The following GSE1 variants were observed in gnomAD, a reference collection of about 807,000 sequenced individuals.
The protein encoded by GSE1 is genetic suppressor element 1.
A neutral mutation model predicts 112.6 loss-of-function variants in GSE1; 32 were observed. That is an observed-to-expected ratio of 0.28 (90% CI 0.21 to 0.38). The LOEUF is 0.38. Among genes scored for constraint, GSE1 ranks in the 10% least tolerant of loss-of-function variants. GSE1 has a pLI of 1.00. For missense variants in GSE1, 2,348 were observed against 1,699.2 expected (o/e 1.38, Z -6.71); for synonymous variants, 1,115 against 735.6 (o/e 1.52, Z -8.35).
intron 1 of GSE1, among the ~76,000 whole-genome samples, chr16:85,211,313 T>G (rs1394716170): frequency 3.7e-5 from 5 of 136,884 alleles, no homozygotes; most frequent in East Asian, 5.2e-4. Context: ...TTTTTTTTTG[T>G]TTTTTTTTTT....
intron 1 of GSE1, among the ~76,000 whole-genome samples, chr16:85,320,367 A>G (rs2046077560): frequency 6.6e-6 from 1 of 152,240 alleles, no homozygotes; most frequent in Admixed American, 6.5e-5. Context: ...TGTGGAGCAG[A>G]CGCCCAGTTT....
In GSE1 at chr16:85,663,303, G is replaced by A. The variant is rs1261096913; in HGVS notation, c.2374-41G>A. 7 of 1,607,552 alleles carry A rather than the reference G, an allele frequency of 4.4e-6. No homozygotes were observed. In the South Asian group the frequency reaches 7.7e-5, roughly 18 times the overall value. On this transcript the variant is annotated intron_variant, in intron 10 of 15. Transcript: ENST00000253458. ...CCCGGGACAGTGCAAGCATACCACT[G>A]CCAGTGGCTTCAAACTCATTTGTTT...
intron 1 of GSE1, among the ~76,000 whole-genome samples, chr16:85,589,917 T>C (rs748440334): frequency 6.7e-6 from 1 of 149,420 alleles, no homozygotes; most frequent in African/African-American, 2.4e-5. Context: ...ACCTGAGTGA[T>C]TGAGCATGAA....
chr16:85,613,141 C>A, upstream of GSE1: 2 of 1,274,946 alleles, frequency 1.6e-6, no homozygotes, highest in Non-Finnish European at 2.0e-6. Context: ...AAACCCGACA[C>A]CTCCCGCTGG....
chr16:85,469,392 G>C (rs908371825), intron 2 of GSE1, among the ~76,000 whole-genome samples: 4 of 152,162 alleles, frequency 2.6e-5, no homozygotes. Flanking sequence ...GCCAGGATGC[G>C]CTGGCGCCCA....
chr16:85,584,148 C>T (rs528479548), intron 1 of GSE1, among the ~76,000 whole-genome samples: 2 of 151,458 alleles, frequency 1.3e-5, no homozygotes, highest in Admixed American at 6.5e-5. Flanking sequence ...TGTGTGCGTG[C>T]GTGCCGGTGC....
chr16:85,394,172 C>T (rs1192829150), intron 2 of GSE1, among the ~76,000 whole-genome samples: 2 of 151,304 alleles, frequency 1.3e-5, no homozygotes, highest in Non-Finnish European at 2.9e-5. Context: ...AAAACACAAA[C>T]ATCTGTGAGG....
intron 2 of GSE1, among the ~76,000 whole-genome samples, chr16:85,361,313 ACCCCCCC>A (rs1567711964): frequency 9.7e-6 from 1 of 102,584 alleles, no homozygotes; most frequent in African/African-American, 4.1e-5. Flanking sequence ...ACAGGCACAG[ACCCCCCC>A]ACACACAAAC....
chr16:85,302,182 AAG>A (rs142794307), intron 1 of GSE1, among the ~76,000 whole-genome samples: 11 of 151,822 alleles, frequency 7.2e-5, no homozygotes, highest in South Asian at 2.1e-4. Flanking sequence ...GAGGAAATAA[AAG>A]AGAGAGAGAG....
At chr16:85,558,848 G>A (rs2045374513) in intron 1 of GSE1, among the ~76,000 whole-genome samples, 3 of 152,122 alleles carry the variant, frequency 2.0e-5, no homozygotes, top group South Asian at 2.1e-4. Flanking sequence ...TGATGGAAAC[G>A]GCAGTGGCCT....
intron 2 of GSE1, among the ~76,000 whole-genome samples, chr16:85,415,611 G>A (rs1221653329): frequency 6.6e-6 from 1 of 152,242 alleles, no homozygotes; most frequent in East Asian, 1.9e-4. Flanking sequence ...GCTGGCCTCT[G>A]CTGACCCCGT....
intron 1 of GSE1, among the ~76,000 whole-genome samples, chr16:85,626,151 T>C (rs1048566481): frequency 6.6e-6 from 1 of 151,704 alleles, no homozygotes; most frequent in African/African-American, 2.4e-5. Flanking sequence ...AAAAAAAAAT[T>C]AAGGCACAAG....
At chr16:85,209,253 A>G (rs2075181062) in intron 1 of GSE1, among the ~76,000 whole-genome samples, 1 of 152,118 alleles carries the variant, frequency 6.6e-6, no homozygotes. Context: ...CAATGCTCCC[A>G]TTTTACAGAT....
intron 1 of GSE1, among the ~76,000 whole-genome samples, chr16:85,204,077 C>CA (rs1567608597): frequency 6.6e-6 from 1 of 152,266 alleles, no homozygotes; most frequent in East Asian, 1.9e-4. Context: ...GCCAATTTCC[C>CA]AAAACTTTAA....
intron 1 of GSE1, among the ~76,000 whole-genome samples, chr16:85,304,100 C>CCATG (rs2045600122): frequency 6.6e-6 from 1 of 152,222 alleles, no homozygotes; most frequent in Non-Finnish European, 1.5e-5. Context: ...GTGTGTCTCT[C>CCATG]CATGGTTAGG....
intron 2 of GSE1, among the ~76,000 whole-genome samples, chr16:85,485,189 C>T (rs563739270): frequency 5.7e-4 from 87 of 152,386 alleles, no homozygotes; most frequent in Non-Finnish European, 9.4e-4. Context: ...AGTGGAGCGA[C>T]AGCCTGTGCC....
chr16:85,566,568 C>A (rs1052891188), intron 1 of GSE1, among the ~76,000 whole-genome samples: 2 of 152,210 alleles, frequency 1.3e-5, no homozygotes, highest in African/African-American at 4.8e-5. Flanking sequence ...ACCTCCCCAA[C>A]CCCAGAAGAC....
chr16:85,394,862 G>T (rs2151654276), intron 2 of GSE1, among the ~76,000 whole-genome samples: 1 of 152,214 alleles, frequency 6.6e-6, no homozygotes, highest in East Asian at 1.9e-4. Context: ...ACGGTTTCTG[G>T]GCTCAAACAT....
intron 1 of GSE1, among the ~76,000 whole-genome samples, chr16:85,191,028 G>A (rs1364136166): frequency 6.6e-6 from 1 of 152,242 alleles, no homozygotes; most frequent in Non-Finnish European, 1.5e-5. Flanking sequence ...GGAGGTCACG[G>A]CAGGTGGATC....
Sources: gnomAD v4.1 joint callset for allele counts (sites outside exome capture counted in the v4.1 genomes callset) on GRCh38, gnomAD v4.1.1 for gene constraint, MANE v1.5 for transcripts, NCBI Gene and HGNC (gene_info 2026-07-23, HGNC 2026-07-21) for gene names.